Variants in CMYA5 observed in about 807,000 individuals in gnomAD.
The protein encoded by CMYA5 is cardiomyopathy associated 5.
In CMYA5, 246 loss-of-function variants were observed where a neutral mutation model predicts 318.9. The observed-to-expected ratio is 0.77, with a 90% CI of 0.70 to 0.86. The LOEUF (loss-of-function observed/expected upper bound fraction) is 0.86. CMYA5 is among the 40% of genes least tolerant of loss of function. The pLI, the probability that CMYA5 is intolerant of heterozygous loss-of-function variation, is 0.00. For missense variants in CMYA5, 4,589 were observed against 4,678.2 expected (o/e 0.98, Z 0.56); for synonymous variants, 1,641 against 1,729.5 (o/e 0.95, Z 1.27).
In CMYA5 at chr5:79,799,687, T is replaced by G; in HGVS notation, c.*71T>G. 6.7e-7 allele frequency: 1 copy of G among 1,502,676 alleles called. No individual in the cohort carries two copies. Among genetic ancestry groups the G allele is most frequent in the South Asian group, 1.3e-5 (1 of 76,792 alleles). 93.1% of individuals were successfully genotyped at this position (1,502,676 alleles called of 1,614,324 possible). A position where few individuals can be genotyped will look rare whatever the true frequency, so the allele number is the denominator to read the frequency against. On this transcript the variant is annotated 3_prime_UTR_variant, in exon 13 of 13. Transcript: ENST00000446378. ...GGGGTCTGCTGTTCATTCCTTTAGGTGCTATACATTATTCAAAAAGTCTCC... is the reference window on the plus strand; with the variant it reads ...GGGGTCTGCTGTTCATTCCTTTAGGGGCTATACATTATTCAAAAAGTCTCC...
intron 6 of CMYA5, among the ~76,000 whole-genome samples, chr5:79,754,857 G>A (rs1207583960): frequency 6.6e-6 from 1 of 152,136 alleles, no homozygotes; most frequent in Non-Finnish European, 1.5e-5. Context: ...GGCTGTGGCA[G>A]CCACCATTTT....
chr5:79,735,294 T>C lies in CMYA5; in HGVS notation c.6529T>C (p.Ser2177Pro). The C allele has an allele frequency of 1.2e-6, 2 of 1,613,874 alleles. No individual in the cohort carries two copies. Among genetic ancestry groups the C allele is most frequent in the South Asian group, 2.2e-5 (2 of 91,082 alleles). ...GGAAAAGGGAAAGAAAGGAATTTCA[T>C]CTTTCAAATCGTGGATGTCCAGCTT... Reference protein sequence around the residue: ...PEEKGKKGISSFKSWMSSLFF... With the variant: ...PEEKGKKGISPFKSWMSSLFF... Residue 2177 changes from serine (S) to proline (P), a missense_variant, in exon 2 of 13, where the codon TCT (serine) becomes CCT (proline). Ser to Pro is a moderately conservative substitution (Grantham distance 74). This residue lies in a region of CMYA5 where 2,431 missense variants were observed against 2,495.1 expected (regional missense o/e 0.97). Transcript: ENST00000446378.
rs777880979 is a variant in CMYA5, at chr5:79,731,986, C to A, written c.3221C>A (p.Pro1074Gln). Residue 1074 changes from proline (P) to glutamine (Q), a missense_variant, in exon 2 of 13, where the codon CCG (proline) becomes CAG (glutamine). Around this residue, in one of 3 missense-constraint regions of CMYA5, gnomAD observed 2,132 missense variants for 2,131.3 expected, o/e 1.00. Coordinates refer to ENST00000446378, the MANE Select transcript of CMYA5 (RefSeq NM_153610.5). ...QKAETFPLMS[P>Q]LEDLSLPPST... ...GCTGAAACTTTCCCTTTGATGTCTCCGCTTGAAGACTTAAGTCTGCCGCCT... is the reference window on the plus strand; with the variant it reads ...GCTGAAACTTTCCCTTTGATGTCTCAGCTTGAAGACTTAAGTCTGCCGCCT... 8.1e-6 allele frequency: 13 copies of A among 1,613,634 alleles called. No individual in the cohort carries two copies. The highest frequency in any genetic ancestry group is 1.3e-5 in the African/African-American group (1 of 74,898).
At chr5:79,716,563 G>A (rs1271636254) in intron 1 of CMYA5, among the ~76,000 whole-genome samples, 1 of 152,216 alleles carries the variant, frequency 6.6e-6, no homozygotes, top group Non-Finnish European at 1.5e-5. Context: ...GAGATGAGAA[G>A]TTAGTGTCTC....
intron 1 of CMYA5, among the ~76,000 whole-genome samples, chr5:79,725,944 AAG>A (rs78655821): frequency 0.055 from 8,327 of 152,284 alleles, 395 homozygotes; most frequent in East Asian, 0.25. Flanking sequence ...GAAATTAAAA[AAG>A]AATGTTTGGT....
Position 79,729,527 on chromosome 5 carries a change from T to G in CMYA5, c.762T>G (p.Ile254Met), listed in dbSNP as rs570359862. 28 of 1,612,290 alleles carry G rather than the reference T, an allele frequency of 1.7e-5. No homozygotes were observed. The highest frequency in any genetic ancestry group is 2.1e-5 in the Non-Finnish European group (25 of 1,178,934). The change falls in exon 2 of 13, where the codon ATT (isoleucine) becomes ATG (methionine). Residue 254 changes from isoleucine (I) to methionine (M), a missense_variant. Around this residue, in one of 3 missense-constraint regions of CMYA5, gnomAD observed 2,132 missense variants for 2,131.3 expected, o/e 1.00. Transcript: ENST00000446378. ...GAACATTGCCAAAGGGTTATGTAAT[T>G]AAAGAAATACATTATAGGAAAGGGA... ...FYGTLPKGYV[I>M]KEIHYRKGKD...
intron 1 of CMYA5, among the ~76,000 whole-genome samples, chr5:79,724,051 C>T (rs7708542): frequency 0.27 from 40,336 of 151,750 alleles, 5,565 homozygotes; most frequent in Middle Eastern, 0.35. Context: ...GGTGTGGTAC[C>T]CCAGGCCTGT....
Position 79,735,001 on chromosome 5 carries a change from T to G in CMYA5, c.6236T>G (p.Val2079Gly). The G allele has an allele frequency of 1.2e-6, 2 of 1,613,698 alleles. No homozygotes were observed. Among genetic ancestry groups the G allele is most frequent in the Non-Finnish European group, 1.7e-6 (2 of 1,179,764 alleles). Residue 2079 changes from valine (V) to glycine (G), a missense_variant, in exon 2 of 13, where the codon GTG becomes GGG. By Grantham distance (109) the Val-to-Gly change is moderately radical. This residue lies in a region of CMYA5 where 2,431 missense variants were observed against 2,495.1 expected (regional missense o/e 0.97). Coordinates refer to ENST00000446378, the MANE Select transcript of CMYA5 (RefSeq NM_153610.5). ...VKTAHFPAEGVEPALGNEKEA... is the reference protein window; with the variant it reads ...VKTAHFPAEGGEPALGNEKEA... ...ACAGCCCATTTCCCGGCAGAAGGTG[T>G]GGAACCTGCATTGGGCAATGAAAAA...
In CMYA5 at chr5:79,736,054, A is replaced by G; in HGVS notation, c.7289A>G (p.Lys2430Arg). The change falls in exon 2 of 13, where the codon AAG becomes AGG. Residue 2430 changes from lysine (K) to arginine (R), a missense_variant. Lys to Arg is a conservative substitution (Grantham distance 26). Around this residue, in one of 3 missense-constraint regions of CMYA5, gnomAD observed 2,431 missense variants for 2,495.1 expected, o/e 0.97. Transcript: ENST00000446378. ...ATTGATTTCAGTGAAGACAGACTCA[A>G]GAAAGAAATGCAAAATCCTACTTCC... ...SLIDFSEDRL[K>R]KEMQNPTSLK... 1 of 1,612,290 alleles carries G rather than the reference A, an allele frequency of 6.2e-7. No homozygotes were observed. Among genetic ancestry groups the G allele is most frequent in the Non-Finnish European group, 8.5e-7 (1 of 1,179,460 alleles).
At chr5:79,755,828 A>G (rs1561220818) in intron 6 of CMYA5, among the ~76,000 whole-genome samples, 1 of 152,230 alleles carries the variant, frequency 6.6e-6, no homozygotes, top group Non-Finnish European at 1.5e-5. Context: ...CATTAAAACA[A>G]AATTTCTAAC....
chr5:79,736,242 A>G lies in CMYA5; in HGVS notation c.7477A>G (p.Lys2493Glu), dbSNP rs1370420152. The G allele has an allele frequency of 1.2e-6, 2 of 1,613,340 alleles. No homozygotes were observed. Among genetic ancestry groups the G allele is most frequent in the Non-Finnish European group, 1.7e-6 (2 of 1,179,716 alleles). ...LELRDSNEIG[K>E]TQITLGSRST... ...GCTTAGAGATAGTAATGAAATAGGG[A>G]AGACACAAATTACACTTGGATCTAG... Residue 2493 changes from lysine (K) to glutamate (E), a missense_variant, in exon 2 of 13, where the codon AAG (lysine) becomes GAG (glutamate). Transcript: ENST00000446378.
chr5:79,761,850 A>G lies in CMYA5; in HGVS notation c.11300A>G (p.Tyr3767Cys). ...TACAGACTGACAGTGAAAGAAAGCT[A>G]CTGCATTTTTGAAGATCTGGAACCT... ...EEYRLTVKES[Y>C]CIFEDLEPDR... Residue 3767 changes from tyrosine (Y) to cysteine (C), a missense_variant, in exon 8 of 13, where the codon TAC (tyrosine) becomes TGC (cysteine). Tyr to Cys is a radical substitution (Grantham distance 194). Around this residue, in one of 3 missense-constraint regions of CMYA5, gnomAD observed 2,431 missense variants for 2,495.1 expected, o/e 0.97. Transcript: ENST00000446378. 2 of 1,613,668 alleles carry G rather than the reference A, an allele frequency of 1.2e-6. No individual in the cohort carries two copies. The highest frequency in any genetic ancestry group is 1.6e-4 in the Middle Eastern group (1 of 6,062).
At chr5:79,695,675 G>T (rs527303799) in intron 1 of CMYA5, among the ~76,000 whole-genome samples, 1 of 152,362 alleles carries the variant, frequency 6.6e-6, no homozygotes, top group African/African-American at 2.4e-5. Context: ...AAGAGGATTG[G>T]ATGACACAGT....
In CMYA5 at chr5:79,745,072, G is replaced by A. The variant is rs146811308; in HGVS notation, c.10735-150G>A. The A allele has an allele frequency of 1.7e-5, 10 of 594,410 alleles. No individual in the cohort carries two copies. The East Asian group carries it at 2.2e-4, about 13-fold the overall frequency. The allele number at this position is 594,410 out of a possible 1,614,324, so 36.8% of individuals were successfully genotyped here. On this transcript the variant is annotated intron_variant, in intron 3 of 12. Transcript: ENST00000446378. ...CTAACTGTGGGAAAGGGATTGGTAG[G>A]TTAGAAATTTGAACTGTGCATGTGA...
intron 9 of CMYA5, 171 bp downstream of exon 9, chr5:79,763,380 T>TC: frequency 1.7e-6 from 1 of 576,206 alleles, no homozygotes; most frequent in South Asian, 2.5e-5. Flanking sequence ...ACCAATGAAC[T>TC]CCAAGTTTGT....
rs1827901231 is a variant in CMYA5, at chr5:79,731,503, C to T, written c.2738C>T (p.Ala913Val). 6.2e-7 allele frequency: 1 copy of T among 1,604,064 alleles called. No homozygotes were observed. The highest frequency in any genetic ancestry group is 1.3e-5 in the African/African-American group (1 of 74,674). Residue 913 changes from alanine (A) to valine (V), a missense_variant, in exon 2 of 13, where the codon GCA (alanine) becomes GTA (valine). Around this residue, in one of 3 missense-constraint regions of CMYA5, gnomAD observed 2,132 missense variants for 2,131.3 expected, o/e 1.00. Coordinates refer to ENST00000446378, the MANE Select transcript of CMYA5 (RefSeq NM_153610.5). ...GTACCACCATATGCAACACCGGAGG[C>T]ACAGGAGGAAGAAATTGTCCATAGA... ...FSVPPYATPEAQEEEIVHRSL... is the reference protein window; with the variant it reads ...FSVPPYATPEVQEEEIVHRSL...
intron 1 of CMYA5, among the ~76,000 whole-genome samples, chr5:79,727,020 A>G (rs1408795264): frequency 1.4e-5 from 2 of 147,018 alleles, no homozygotes; most frequent in African/African-American, 2.6e-5. Context: ...GGTTCAAGAG[A>G]TTCTCCTGCC....
chr5:79,756,000 G>C (rs1402511973), intron 6 of CMYA5, among the ~76,000 whole-genome samples: 1 of 152,150 alleles, frequency 6.6e-6, no homozygotes, highest in Non-Finnish European at 1.5e-5. Flanking sequence ...GATAAAAGGG[G>C]GAGCATTTTC....
At chr5:79,697,236 G>C (rs973640134) in intron 1 of CMYA5, among the ~76,000 whole-genome samples, 3 of 152,202 alleles carry the variant, frequency 2.0e-5, no homozygotes, top group African/African-American at 7.2e-5. Flanking sequence ...AGGAAGCCAA[G>C]GTAGGGGCCT....
Sources: allele counts gnomAD v4.1 joint callset (sites outside exome capture counted in the v4.1 genomes callset), GRCh38; gene constraint gnomAD v4.1.1; regional missense constraint gnomAD v4.1.1; transcripts MANE v1.5; gene names NCBI Gene and HGNC (gene_info 2026-07-23, HGNC 2026-07-21).